PLCL2: variants seen among roughly 807,000 people sequenced by gnomAD.
PLCL2 encodes the protein inactive phospholipase C-like protein 2.
Under a neutral mutation model 79.6 loss-of-function variants are expected in PLCL2, and 4 were observed. The observed-to-expected ratio is 0.05, with a 90% CI of 0.02 to 0.11. The LOEUF is 0.11. Ranked by LOEUF, PLCL2 falls within the 10% of genes least tolerant of loss-of-function variation. The pLI is 1.00. For synonymous variants in PLCL2, 484 were observed against 457.7 expected, an observed-to-expected ratio of 1.06 and a Z score of -0.73; for missense variants, 895 against 1,291.0, an observed-to-expected ratio of 0.69 and a Z score of 4.70.
intron 1 of PLCL2, among the ~76,000 whole-genome samples, chr3:16,925,152 T>C (rs1453370674): frequency 6.6e-6 from 1 of 151,880 alleles, no homozygotes; most frequent in Non-Finnish European, 1.5e-5. Context: ...CTCAATCTCC[T>C]GACCTCGTGA....
intron 1 of PLCL2, among the ~76,000 whole-genome samples, chr3:17,006,432 C>T (rs1179388930): frequency 2.0e-5 from 3 of 152,228 alleles, no homozygotes; most frequent in African/African-American, 4.8e-5. Context: ...CCACTTGTTG[C>T]TCCCAGCCAG....
intron 1 of PLCL2, among the ~76,000 whole-genome samples, chr3:16,982,460 A>G (rs2064009409): frequency 6.6e-6 from 1 of 152,186 alleles, no homozygotes; most frequent in African/African-American, 2.4e-5. Flanking sequence ...CAGCACATTT[A>G]TCAAATCCCG....
intron 5 of PLCL2, among the ~76,000 whole-genome samples, chr3:17,075,791 C>A (rs1029961698): frequency 6.6e-6 from 1 of 152,196 alleles, no homozygotes; most frequent in African/African-American, 2.4e-5. Context: ...TCTTTTCTGC[C>A]TGGCTTATTT....
chr3:17,044,893 T>C (rs575846529), intron 4 of PLCL2, among the ~76,000 whole-genome samples: 54 of 152,322 alleles, frequency 3.5e-4, no homozygotes, highest in African/African-American at 1.2e-3. Context: ...AGCTGAAGAA[T>C]CTTATCTATT....
intron 1 of PLCL2, among the ~76,000 whole-genome samples, chr3:16,917,878 G>A (rs1048216669): frequency 4.6e-5 from 7 of 152,160 alleles, no homozygotes; most frequent in Non-Finnish European, 8.8e-5. Context: ...ATGCAATATT[G>A]TGGTGGTCAT....
chr3:16,885,180 G>T lies in PLCL2; in HGVS notation c.141G>T (p.Ala47=). ...GAGGTCGCCTCGGCCACGGGCGGGC[G>T]CGCTATGACAGCGGCGGGGTTTCCA... The part of the protein sequence containing the change: ...GGGGRLGHGR[A]RYDSGGVSNG... The change falls in exon 1 of 6, where the codon GCG becomes GCT. Residue 47 remains alanine (A), a synonymous_variant. Coordinates refer to ENST00000615277, the MANE Select transcript of PLCL2 (RefSeq NM_001144382.2). 2 of 570,316 alleles carry T rather than the reference G, an allele frequency of 3.5e-6. No individual in the cohort carries two copies. The highest frequency in any genetic ancestry group is 6.3e-6 in the Non-Finnish European group (2 of 316,654). 35.3% of individuals were successfully genotyped at this position (570,316 alleles called of 1,614,324 possible).
intron 1 of PLCL2, among the ~76,000 whole-genome samples, chr3:16,954,735 G>A (rs1364799646): frequency 4.6e-5 from 7 of 152,178 alleles, no homozygotes; most frequent in Admixed American, 4.6e-4. Flanking sequence ...GGTGTGAGAT[G>A]GTATCTCATT....
intron 4 of PLCL2, among the ~76,000 whole-genome samples, chr3:17,049,215 A>C (rs2064814010): frequency 6.6e-6 from 1 of 152,222 alleles, no homozygotes; most frequent in South Asian, 2.1e-4. Flanking sequence ...TTATATGACA[A>C]TTTAAAGTAA....
intron 1 of PLCL2, among the ~76,000 whole-genome samples, chr3:16,991,141 G>C (rs577821909): frequency 6.6e-6 from 1 of 152,348 alleles, no homozygotes; most frequent in Admixed American, 6.5e-5. Flanking sequence ...TGGGCATCCA[G>C]CTGAGTTGGG....
At chr3:16,996,673 A>G (rs1305926624) in intron 1 of PLCL2, among the ~76,000 whole-genome samples, 2 of 152,120 alleles carry the variant, frequency 1.3e-5, no homozygotes, top group Non-Finnish European at 2.9e-5. Context: ...CCCAATTTAT[A>G]AGTCAGAACA....
At chr3:16,981,101 G>C (rs913102684) in intron 1 of PLCL2, among the ~76,000 whole-genome samples, 12 of 152,314 alleles carry the variant, frequency 7.9e-5, no homozygotes, top group African/African-American at 2.2e-4. Flanking sequence ...GTCCAGCTTC[G>C]GCTCGGCATC....
intron 1 of PLCL2, among the ~76,000 whole-genome samples, chr3:16,925,588 T>G (rs1301142053): frequency 6.6e-6 from 1 of 152,258 alleles, no homozygotes; most frequent in East Asian, 1.9e-4. Flanking sequence ...TCTCTGAATT[T>G]GCCTTCCCTA....
chr3:16,968,195 GTGTCTCTAGCTTTATATTTTA>G (rs1304755458), intron 1 of PLCL2, among the ~76,000 whole-genome samples: 1 of 151,940 alleles, frequency 6.6e-6, no homozygotes, highest in Non-Finnish European at 1.5e-5. Context: ...AGGTAATTTG[GTGTCTCTAGCTTTATATTTTA>G]TTTGCTTAGG....
intron 1 of PLCL2, among the ~76,000 whole-genome samples, chr3:16,974,265 G>A (rs569466380): frequency 7.9e-5 from 12 of 152,206 alleles, no homozygotes; most frequent in African/African-American, 2.4e-4. Flanking sequence ...AATCAAAATC[G>A]GGTCTCACAG....
chr3:16,933,649 T>C (rs1439802557), intron 1 of PLCL2, among the ~76,000 whole-genome samples: 1 of 152,180 alleles, frequency 6.6e-6, no homozygotes, highest in African/African-American at 2.4e-5. Flanking sequence ...CCTTACACTA[T>C]TTCCTGATGT....
intron 5 of PLCL2, chr3:17,081,159 G>T (rs1409987467): frequency 4.4e-6 from 2 of 456,684 alleles, no homozygotes; most frequent in East Asian, 6.9e-5. Flanking sequence ...TCTAAATTCT[G>T]CTGTGTTCCT....
intron 3 of PLCL2, among the ~76,000 whole-genome samples, chr3:17,017,977 C>G (rs1033675022): frequency 2.0e-5 from 3 of 152,100 alleles, no homozygotes; most frequent in African/African-American, 7.2e-5. Context: ...GTGGTGCTCT[C>G]GTGGCTCCTG....
intron 1 of PLCL2, among the ~76,000 whole-genome samples, chr3:16,927,884 T>C (rs1046066080): frequency 2.0e-5 from 3 of 152,198 alleles, no homozygotes; most frequent in Non-Finnish European, 4.4e-5. Context: ...CAGCAAAAAA[T>C]TGTCAGAGCT....
chr3:17,004,459 A>G (rs960314458), intron 1 of PLCL2, among the ~76,000 whole-genome samples: 1 of 152,168 alleles, frequency 6.6e-6, no homozygotes, highest in Non-Finnish European at 1.5e-5. Context: ...GTTACTTGCA[A>G]TAAAGGGCCT....
Sources: gnomAD v4.1 joint callset for allele counts (sites outside exome capture counted in the v4.1 genomes callset) on GRCh38, gnomAD v4.1.1 for gene constraint, MANE v1.5 for transcripts, NCBI Gene and HGNC (gene_info 2026-07-23, HGNC 2026-07-21) for gene names.